The following TCEANC2 variants were observed in gnomAD, a reference collection of about 807,000 sequenced individuals.
TCEANC2 encodes transcription elongation factor A N-terminal and central domain containing 2, also known as transcription elongation factor A N-terminal and central domain-containing protein 2.
A neutral mutation model predicts 22.8 loss-of-function variants in TCEANC2; 20 were observed. The observed-to-expected ratio is 0.88, with a 90% CI of 0.62 to 1.28. The LOEUF is 1.28. Ranked by LOEUF, TCEANC2 falls within the 50% of genes most tolerant of loss-of-function variation. The pLI is 0.00. For synonymous variants in TCEANC2, 84 were observed against 95.5 expected (o/e 0.88, Z 0.70); for missense variants, 251 against 249.7 (o/e 1.01, Z -0.03).
intron 2 of TCEANC2, among the ~76,000 whole-genome samples, chr1:54,060,820 A>G (rs1402079619): frequency 1.3e-5 from 2 of 151,846 alleles, no homozygotes; most frequent in East Asian, 3.9e-4. Flanking sequence ...GGCGCCTGTA[A>G]TCCTAGCTAC....
chr1:54,096,684 T>G lies in TCEANC2; in HGVS notation c.*211T>G. 8.0e-7 allele frequency: 1 copy of G among 1,245,624 alleles called. No individual in the cohort carries two copies. Among genetic ancestry groups the G allele is most frequent in the African/African-American group, 1.5e-5 (1 of 66,702 alleles). The allele number at this position is 1,245,624 out of a possible 1,614,324, so 77.2% of individuals were successfully genotyped here. A position where few individuals can be genotyped will look rare whatever the true frequency, so the allele number is the denominator to read the frequency against. Reference sequence around the variant, plus strand: ...TTAGCTGCAGTGCGCTGGTGCTGCCTAACAGAACGCACACTGGCTGTCACT... The same window carrying G: ...TTAGCTGCAGTGCGCTGGTGCTGCCGAACAGAACGCACACTGGCTGTCACT... On this transcript the variant is annotated 3_prime_UTR_variant, in exon 5 of 5. Coordinates refer to ENST00000234827, the MANE Select transcript of TCEANC2 (RefSeq NM_153035.3). The surrounding 1 kb of genome is among the most constrained non-coding windows in gnomAD (Gnocchi z 4.9).
At chr1:54,111,259 G>C (rs1658834626) in exon 5 of TCEANC2, 1 of 152,252 alleles carries the variant, frequency 6.6e-6, no homozygotes, top group Non-Finnish European at 1.5e-5. Flanking sequence ...CAAGCGTGTG[G>C]ACCGACAGAT....
At position 54,068,712 on chromosome 1, in the gene TCEANC2, T is replaced by A. The variant is rs545174006; in HGVS notation, c.103-44T>A. 40 of 1,567,460 alleles carry A rather than the reference T, an allele frequency of 2.6e-5. No homozygotes were observed. In the East Asian group the frequency reaches 8.8e-4, roughly 35 times the overall value. On this transcript the variant is annotated intron_variant, in intron 2 of 4. Coordinates refer to ENST00000234827, the MANE Select transcript of TCEANC2 (RefSeq NM_153035.3). ...GCTCAGGTGAAGGCAGATGTCTTTC[T>A]AATGAAAATGTTCCATTTTCCAAAT...
At chr1:54,060,933 G>A (rs1657842673) in intron 2 of TCEANC2, among the ~76,000 whole-genome samples, 2 of 151,820 alleles carry the variant, frequency 1.3e-5, no homozygotes, top group Non-Finnish European at 2.9e-5. Context: ...GGGTGACAGA[G>A]CGAGACTCTG....
intron 3 of TCEANC2, among the ~76,000 whole-genome samples, chr1:54,088,318 T>G (rs996234992): frequency 6.6e-6 from 1 of 152,182 alleles, no homozygotes; most frequent in African/African-American, 2.4e-5. Context: ...TTTTTTAAAG[T>G]AATTTTTGGT....
intron 3 of TCEANC2, among the ~76,000 whole-genome samples, chr1:54,071,052 A>C (rs1658046944): frequency 6.6e-6 from 1 of 152,178 alleles, no homozygotes; most frequent in South Asian, 2.1e-4. Context: ...AACATGGTGC[A>C]TTCCAGAAAC....
In TCEANC2 at chr1:54,088,873, C is replaced by T. The variant is rs140038224; in HGVS notation, c.438+83C>T. 180 of 1,028,224 alleles carry T rather than the reference C, an allele frequency of 1.8e-4. 1 individual carries two copies. The East Asian group carries it at 5.4e-3, about 31-fold the overall frequency. 63.7% of individuals were successfully genotyped at this position (1,028,224 alleles called of 1,614,324 possible). On this transcript the variant is annotated intron_variant, in intron 4 of 4. Transcript: ENST00000234827. ...AGAAAAATAAAGGTAATGTCCTGGTCGGATGTGATTAGTAGGTGCTCTTGG... is the reference window on the plus strand; with the variant it reads ...AGAAAAATAAAGGTAATGTCCTGGTTGGATGTGATTAGTAGGTGCTCTTGG...
chr1:54,054,506 C>T lies in TCEANC2; in HGVS notation c.84C>T (p.Ala28=), dbSNP rs1657705479. 1 of 1,613,226 alleles carries T rather than the reference C, an allele frequency of 6.2e-7. No individual in the cohort carries two copies. The highest frequency in any genetic ancestry group is 8.5e-7 in the Non-Finnish European group (1 of 1,179,658). The stretch of plus-strand genomic sequence containing the variant: ...CTGGAGGAAAGGTTTACAAGCAGGC[C>T]ACGATTGAATCTCTGAAGGTGAGAG... ...KDSGGKVYKQ[A]TIESLKRVVV... Residue 28 remains alanine (A), a synonymous_variant, in exon 2 of 5, where the codon GCC becomes GCT. Transcript: ENST00000234827.
At chr1:54,056,969 G>A (rs918325636) in intron 2 of TCEANC2, among the ~76,000 whole-genome samples, 12 of 151,754 alleles carry the variant, frequency 7.9e-5, no homozygotes. Context: ...TTGAACCTGG[G>A]AGCTGGAGGT....
intron 3 of TCEANC2, among the ~76,000 whole-genome samples, chr1:54,086,330 C>G (rs1160463319): frequency 6.6e-6 from 1 of 152,084 alleles, no homozygotes; most frequent in Non-Finnish European, 1.5e-5. Context: ...ACAACTAACT[C>G]TAGTAATTAC....
rs965828558 is a variant in TCEANC2, at chr1:54,103,783, T to C, written c.*7310T>C. The C allele has an allele frequency of 6.6e-6, 1 of 152,358 alleles. No homozygotes were observed. The highest frequency in any genetic ancestry group is 1.9e-4 in the East Asian group (1 of 5,190). 9.4% of individuals were successfully genotyped at this position (152,358 alleles called of 1,614,324 possible). On this transcript the variant is annotated 3_prime_UTR_variant, in exon 5 of 5. Coordinates refer to ENST00000234827, the MANE Select transcript of TCEANC2 (RefSeq NM_153035.3). Reference sequence around the variant, plus strand: ...CTACCCTGGAAAGAGCTGTGATTCATTTTCACTGGCATAGATGTATATTCC... The same window carrying C: ...CTACCCTGGAAAGAGCTGTGATTCACTTTCACTGGCATAGATGTATATTCC...
chr1:54,084,107 G>C (rs1658294563), intron 3 of TCEANC2, among the ~76,000 whole-genome samples: 1 of 151,782 alleles, frequency 6.6e-6, no homozygotes, highest in African/African-American at 2.4e-5. Flanking sequence ...CTGCCTCCAA[G>C]GTTCAAGCGA....
In TCEANC2 at chr1:54,100,596, G is replaced by A. The variant is rs1374157293; in HGVS notation, c.*4123G>A. 6.6e-6 allele frequency: 1 copy of A among 152,242 alleles called. No individual in the cohort carries two copies. Among genetic ancestry groups the A allele is most frequent in the African/African-American group, 2.4e-5 (1 of 41,470 alleles). 9.4% of individuals were successfully genotyped at this position (152,242 alleles called of 1,614,324 possible). A position where few individuals can be genotyped will look rare whatever the true frequency, so the allele number is the denominator to read the frequency against. ...ACCAAAGCCAGAAGGATAGGTAGGA[G>A]TTCTTAGCAGAGGGCTCAGTCTATG... On this transcript the variant is annotated 3_prime_UTR_variant, in exon 5 of 5. Coordinates refer to ENST00000234827, the MANE Select transcript of TCEANC2 (RefSeq NM_153035.3).
chr1:54,070,638 A>G (rs1391514706), intron 3 of TCEANC2, among the ~76,000 whole-genome samples: 1 of 152,152 alleles, frequency 6.6e-6, no homozygotes, highest in Non-Finnish European at 1.5e-5. Context: ...GTTGTATGGA[A>G]TATAGGAGTT....
intron 1 of TCEANC2, chr1:54,054,032 T>A (rs542509251): frequency 2.7e-4 from 70 of 263,556 alleles, no homozygotes; most frequent in African/African-American, 1.5e-3. Context: ...CTGAGCCTAA[T>A]GTAATCCTAA....
rs183635998 is a variant in TCEANC2 at position 54,101,108 on chromosome 1, A to C, written c.*4635A>C. 1 of 152,260 alleles carries C rather than the reference A, an allele frequency of 6.6e-6. No homozygotes were observed. Among genetic ancestry groups the C allele is most frequent in the Admixed American group, 6.5e-5 (1 of 15,284 alleles). The allele number at this position is 152,260 out of a possible 1,614,324, so 9.4% of individuals were successfully genotyped here. A position where few individuals can be genotyped will look rare whatever the true frequency, so the allele number is the denominator to read the frequency against. On this transcript the variant is annotated 3_prime_UTR_variant, in exon 5 of 5. Transcript: ENST00000234827. ...GGTAGCTGGCCTTTTTCATTTATAG[A>C]ATATCAGGTTCTTAAACTTGTGCCT...
At chr1:54,081,202 T>C (rs937832380) in intron 3 of TCEANC2, among the ~76,000 whole-genome samples, 21 of 152,190 alleles carry the variant, frequency 1.4e-4, no homozygotes, top group African/African-American at 5.1e-4. Flanking sequence ...ATATGTAAAG[T>C]GGTTAACACA....
chr1:54,107,476 T>G (rs1372897153), downstream of TCEANC2, among the ~76,000 whole-genome samples: 1 of 152,112 alleles, frequency 6.6e-6, no homozygotes, highest in Non-Finnish European at 1.5e-5. Flanking sequence ...TGGAGGCAAG[T>G]CACCAAATCT....
chr1:54,069,041 A>T (rs566957692), intron 3 of TCEANC2, 144 bp downstream of exon 3: 1 of 948,310 alleles, frequency 1.1e-6, no homozygotes, highest in East Asian at 3.3e-5. Flanking sequence ...TTAAAAAATT[A>T]TCTGTTGGTT....
Sources: allele counts gnomAD v4.1 joint callset (sites outside exome capture counted in the v4.1 genomes callset), GRCh38; gene constraint gnomAD v4.1.1; non-coding constraint Gnocchi (gnomAD v3.1); transcripts MANE v1.5; gene names NCBI Gene and HGNC (gene_info 2026-07-23, HGNC 2026-07-21).